Variants in LEO1 observed in about 807,000 individuals in gnomAD.
LEO1 encodes the protein RNA polymerase-associated protein LEO1.
A neutral mutation model predicts 80.4 loss-of-function variants in LEO1; 34 were observed. The ratio of observed to expected loss-of-function variants is 0.42; its 90% CI spans 0.32 to 0.56. The LOEUF is 0.56. LEO1 is among the 20% of genes least tolerant of loss of function. The pLI, the probability that LEO1 is intolerant of heterozygous loss-of-function variation, is 0.10. For missense variants in LEO1, 631 were observed against 814.2 expected, an observed-to-expected ratio of 0.77 and a Z score of 2.74; for synonymous variants, 262 against 274.9, an observed-to-expected ratio of 0.95 and a Z score of 0.46.
Position 51,971,613 on chromosome 15 carries a change from G to A in LEO1, c.58+75C>T, listed in dbSNP as rs542799339. 7.4e-6 allele frequency: 11 copies of A among 1,485,306 alleles called. No individual in the cohort carries two copies. The East Asian group carries it at 2.0e-4, about 27-fold the overall frequency. The allele number at this position is 1,485,306 out of a possible 1,614,324, so 92.0% of individuals were successfully genotyped here. A position where few individuals can be genotyped will look rare whatever the true frequency, so the allele number is the denominator to read the frequency against. ...ACGCCACCTCTTGCCCGCGGCGCTG[G>A]AGCCTCCACGGTTGTCCGGCTCCCA... On this transcript the variant is annotated intron_variant, in intron 1 of 11. Coordinates refer to ENST00000299601, the MANE Select transcript of LEO1 (RefSeq NM_138792.4).
chr15:51,951,585 T>G (rs1280364664), intron 9 of LEO1, among the ~76,000 whole-genome samples: 3 of 152,208 alleles, frequency 2.0e-5, no homozygotes, highest in Non-Finnish European at 4.4e-5. Flanking sequence ...ACATGAAAAT[T>G]CAGATATTTC....
rs567270090 is a variant in LEO1 at position 51,966,859 on chromosome 15, G to A, written c.59-355C>T. On this transcript the variant is annotated intron_variant, in intron 1 of 11. Transcript: ENST00000299601. ...CCGGGAGGCAGAAGTTGCAGTGAGC[G>A]GAGATCAAGCCACTGCACTCCAGCC... 1.3e-4 allele frequency among the ~76,000 whole-genome samples: 20 copies of A among 151,872 alleles called. No individual in the cohort carries two copies. In the South Asian group the frequency reaches 2.5e-3, roughly 19 times the overall value.
chr15:51,971,466 A>T (rs912115561), intron 1 of LEO1, among the ~76,000 whole-genome samples: 8 of 152,218 alleles, frequency 5.3e-5, no homozygotes, highest in South Asian at 4.1e-4. Context: ...AGCTCCCAGG[A>T]ACCGTCTGCT....
Position 51,949,977 on chromosome 15 carries a change from C to A in LEO1, c.1629G>T (p.Leu543Phe). The change falls in exon 10 of 12, where the codon TTG (leucine) becomes TTT (phenylalanine). Residue 543 changes from leucine (L) to phenylalanine (F), a missense_variant. Physicochemically the swap from Leu to Phe is conservative, Grantham distance 22. Transcript: ENST00000299601. ...TEMIKKEEER[L>F]RASIRRESQQ... ...GAGATTCCCTACGTATGGAAGCCCT[C>A]AAACGTTCTTCTTCTTTCTGTAAAG... is the stretch of plus-strand genomic sequence containing the variant. The A allele has an allele frequency of 1.2e-6, 2 of 1,612,024 alleles. No homozygotes were observed. Among genetic ancestry groups the A allele is most frequent in the Non-Finnish European group, 1.7e-6 (2 of 1,179,496 alleles).
At chr15:51,945,486 T>G (rs2056892754) in intron 11 of LEO1, among the ~76,000 whole-genome samples, 2 of 152,034 alleles carry the variant, frequency 1.3e-5, no homozygotes, top group Non-Finnish European at 2.9e-5. Flanking sequence ...CTTCAGACGT[T>G]TACTCAAAGA....
chr15:51,954,016 C>A (rs541660119), intron 7 of LEO1, among the ~76,000 whole-genome samples: 31 of 151,706 alleles, frequency 2.0e-4, no homozygotes, highest in African/African-American at 7.5e-4. Flanking sequence ...TTACTGCAAC[C>A]TCCGCCTCCT....
intron 7 of LEO1, among the ~76,000 whole-genome samples, chr15:51,953,810 A>G (rs916579039): frequency 2.0e-5 from 3 of 151,922 alleles, no homozygotes; most frequent in African/African-American, 7.3e-5. Context: ...TAAAATGTCA[A>G]TTTGTGGCTG....
At chr15:51,970,706 GA>G (rs2057116151) in intron 1 of LEO1, among the ~76,000 whole-genome samples, 1 of 152,172 alleles carries the variant, frequency 6.6e-6, no homozygotes, top group Non-Finnish European at 1.5e-5. Context: ...AGTGCTTTAT[GA>G]ACAGTGTTTT....
At chr15:51,965,058 G>A (rs1046775584) in intron 2 of LEO1, among the ~76,000 whole-genome samples, 2 of 152,112 alleles carry the variant, frequency 1.3e-5, no homozygotes, top group Non-Finnish European at 2.9e-5. Flanking sequence ...TGTCCATTGA[G>A]ATCACCCAGC....
At chr15:51,970,294 A>G (rs549225099) in intron 1 of LEO1, among the ~76,000 whole-genome samples, 2 of 152,232 alleles carry the variant, frequency 1.3e-5, no homozygotes, top group East Asian at 3.9e-4. Flanking sequence ...AGTACCTGGG[A>G]CTACAGGCAC....
At chr15:51,968,283 C>T (rs2057094325) in intron 1 of LEO1, among the ~76,000 whole-genome samples, 1 of 152,114 alleles carries the variant, frequency 6.6e-6, no homozygotes, top group Non-Finnish European at 1.5e-5. Flanking sequence ...TGGCTCATGC[C>T]TGTAATCTCA....
In LEO1 at chr15:51,965,928, G is replaced by C; in HGVS notation, c.635C>G (p.Ser212Cys). ...AGAAGCTACCGGCCGTTCATCATCA[G>C]AATTAGCCTTTTCCTCCTCAGATAG... ...QQLSEEEKAN[S>C]DDERPVASDN... Residue 212 changes from serine to cysteine, a missense_variant, in exon 2 of 12, where the codon TCT (serine) becomes TGT (cysteine). Ser to Cys is a moderately radical substitution (Grantham distance 112, BLOSUM62 -1). Coordinates refer to ENST00000299601, the MANE Select transcript of LEO1 (RefSeq NM_138792.4). 1 of 1,614,048 alleles carries C rather than the reference G, an allele frequency of 6.2e-7. No homozygotes were observed. Among genetic ancestry groups the C allele is most frequent in the Non-Finnish European group, 8.5e-7 (1 of 1,179,996 alleles).
intron 5 of LEO1, 85 bp downstream of exon 5, chr15:51,959,814 T>C: frequency 3.1e-6 from 4 of 1,278,228 alleles, no homozygotes; most frequent in Non-Finnish European, 4.2e-6. Context: ...TTTTGTGATT[T>C]GTCAACTCAA....
chr15:51,964,084 T>C (rs1055714133), intron 2 of LEO1, among the ~76,000 whole-genome samples: 91 of 151,580 alleles, frequency 6.0e-4, no homozygotes, highest in African/African-American at 2.2e-3. Flanking sequence ...CGGGTGCCTG[T>C]AGTCCCAGCT....
intron 11 of LEO1, among the ~76,000 whole-genome samples, chr15:51,944,196 A>G (rs537855096): frequency 3.0e-4 from 45 of 152,346 alleles, no homozygotes; most frequent in African/African-American, 1.1e-3. Context: ...AAACTTCCTG[A>G]AAGCAGCTAG....
At chr15:51,950,251 G>A (rs1373807904) in intron 9 of LEO1, among the ~76,000 whole-genome samples, 2 of 152,164 alleles carry the variant, frequency 1.3e-5, no homozygotes, top group African/African-American at 2.4e-5. Flanking sequence ...GTGTGTCCTC[G>A]GGAGCTGTGC....
At chr15:51,950,673 T>C (rs1034533874) in intron 9 of LEO1, among the ~76,000 whole-genome samples, 4 of 152,246 alleles carry the variant, frequency 2.6e-5, no homozygotes, top group Admixed American at 1.3e-4. Flanking sequence ...TATTATCATA[T>C]ACAACTCCAA....
chr15:51,968,329 G>A (rs1254080957), intron 1 of LEO1, among the ~76,000 whole-genome samples: 1 of 152,074 alleles, frequency 6.6e-6, no homozygotes, highest in East Asian at 1.9e-4. Context: ...GATCACCTGA[G>A]GTCAGGAGTT....
At chr15:51,943,454 C>G (rs948157108) in intron 11 of LEO1, among the ~76,000 whole-genome samples, 3 of 151,720 alleles carry the variant, frequency 2.0e-5, no homozygotes, top group Non-Finnish European at 4.4e-5. Flanking sequence ...GTAATCCCAG[C>G]ACTTTGGGAG....
Sources: allele counts gnomAD v4.1 joint callset (sites outside exome capture counted in the v4.1 genomes callset), GRCh38; gene constraint gnomAD v4.1.1; transcripts MANE v1.5; gene names NCBI Gene and HGNC (gene_info 2026-07-23, HGNC 2026-07-21).